Variants in SNX15 observed in about 807,000 individuals in gnomAD.
SNX15 encodes sorting nexin-15.
Under a neutral mutation model 35.2 loss-of-function variants are expected in SNX15, and 29 were observed. The observed-to-expected ratio is 0.82, with a 90% confidence interval of 0.61 to 1.12. The LOEUF (loss-of-function observed/expected upper bound fraction) is 1.12. Ranked by LOEUF, SNX15 falls within the 50% of genes most tolerant of loss-of-function variation. The probability of loss-of-function intolerance (pLI) is 0.00; values close to 1 mark genes in which losing one functional copy is unlikely to be tolerated. For missense variants in SNX15, 400 were observed against 451.5 expected, an observed-to-expected ratio of 0.89 and a Z score of 1.03; for synonymous variants, 189 against 188.2, an observed-to-expected ratio of 1.00 and a Z score of -0.03.
intron 1 of SNX15, among the ~76,000 whole-genome samples, chr11:65,030,913 G>A (rs779641352): frequency 1.5e-4 from 23 of 152,066 alleles, no homozygotes; most frequent in Non-Finnish European, 2.6e-4. Flanking sequence ...CTTAGTGTGT[G>A]GTCTACTATG....
At chr11:65,029,600 G>A (rs1443140509) in intron 1 of SNX15, among the ~76,000 whole-genome samples, 3 of 150,458 alleles carry the variant, frequency 2.0e-5, no homozygotes, top group Admixed American at 6.6e-5. Flanking sequence ...TTTTTGAGAC[G>A]GAGTCTTGCT....
intron 1 of SNX15, among the ~76,000 whole-genome samples, chr11:65,028,736 T>C (rs1164178945): frequency 1.4e-5 from 2 of 141,806 alleles, no homozygotes; most frequent in Non-Finnish European, 1.5e-5. Context: ...CCTGGGAAGA[T>C]AGACTGGAGG....
At chr11:65,035,403 T>G (rs1590741225) in intron 5 of SNX15, 117 bp from the exon 6 acceptor site, 1 of 1,318,570 alleles carries the variant, frequency 7.6e-7, no homozygotes, top group East Asian at 2.4e-5. Flanking sequence ...GCACAAACCC[T>G]AATAACAGGC....
At position 65,027,454 on chromosome 11, in the gene SNX15, C is replaced by G. The variant is rs545793141; in HGVS notation, c.-84C>G. 1.9e-6 allele frequency: 2 copies of G among 1,057,996 alleles called. No homozygotes were observed. The highest frequency in any genetic ancestry group is 3.1e-5 in the African/African-American group (2 of 63,958). The allele number at this position is 1,057,996 out of a possible 1,614,324, so 65.5% of individuals were successfully genotyped here. A position where few individuals can be genotyped will look rare whatever the true frequency, so the allele number is the denominator to read the frequency against. On this transcript the variant is annotated 5_prime_UTR_variant, in exon 1 of 8. Coordinates refer to ENST00000377244, the MANE Select transcript of SNX15 (RefSeq NM_013306.5). ...GAAGAAGAGCGCAGGCCTGGCGAGGCGGCGGCGGGCGGAGGCTGGGCCGGA... is the reference window on the plus strand; with the variant it reads ...GAAGAAGAGCGCAGGCCTGGCGAGGGGGCGGCGGGCGGAGGCTGGGCCGGA...
chr11:65,039,697 C>G lies in SNX15; in HGVS notation c.934C>G (p.Pro312Ala), dbSNP rs773751010. Residue 312 changes from proline to alanine, a missense_variant, in exon 8 of 8, where the codon CCT becomes GCT. Pro to Ala is a conservative substitution (Grantham distance 27). Coordinates refer to ENST00000377244, the MANE Select transcript of SNX15 (RefSeq NM_013306.5). ...LLQGVPSDPL[P>A]ARQEGVKKKA... The stretch of plus-strand genomic sequence containing the variant: ...TTCTCTCTCCACAGGTGACCCGTTG[C>G]CTGCCCGCCAGGAAGGTGTGAAGAA... 3.7e-6 allele frequency: 6 copies of G among 1,612,752 alleles called. No individual in the cohort carries two copies. In the Admixed American group the frequency reaches 5.0e-5, roughly 13 times the overall value.
chr11:65,031,985 T>C (rs1248883474), intron 1 of SNX15, among the ~76,000 whole-genome samples, 183 bp from the exon 2 acceptor site: 1 of 151,876 alleles, frequency 6.6e-6, no homozygotes, highest in Non-Finnish European at 1.5e-5. Context: ...CTGAGGTACA[T>C]AGTAGGAAAA....
chr11:65,027,967 A>G (rs1319860826), intron 1 of SNX15, among the ~76,000 whole-genome samples: 1 of 151,800 alleles, frequency 6.6e-6, no homozygotes, highest in Non-Finnish European at 1.5e-5. Context: ...AAATATTAGT[A>G]CTCCATTCTC....
chr11:65,028,689 A>T (rs904749328), intron 1 of SNX15, among the ~76,000 whole-genome samples: 2 of 24,510 alleles, frequency 8.2e-5, no homozygotes, highest in African/African-American at 1.8e-4. Context: ...ACACAACTTT[A>T]AAAAAAAAAA....
At chr11:65,036,045 A>T (rs943520944) in intron 6 of SNX15, 6 of 174,726 alleles carry the variant, frequency 3.4e-5, no homozygotes, top group Admixed American at 3.1e-4. Context: ...TCCTGAAGGC[A>T]AGAGGCCTGC....
At chr11:65,035,813 C>CT in intron 6 of SNX15, 150 bp downstream of exon 6, 2 of 736,060 alleles carry the variant, frequency 2.7e-6, no homozygotes, top group African/African-American at 1.8e-5. Context: ...ATAGCAGCTT[C>CT]AATGAGAATT....
chr11:65,037,190 T>TC (rs145105481), intron 6 of SNX15: 1 of 152,180 alleles, frequency 6.6e-6, no homozygotes, highest in Non-Finnish European at 1.5e-5. Flanking sequence ...CTATTTTTTT[T>TC]CCTCTCCTTT....
Position 65,035,098 on chromosome 11 carries a change from C to A in SNX15, c.412C>A (p.Leu138Ile). Residue 138 changes from leucine (L) to isoleucine (I), a missense_variant, in exon 5 of 8, where the codon CTA (leucine) becomes ATA (isoleucine). Physicochemically the swap from Leu to Ile is conservative, Grantham distance 5. Coordinates refer to ENST00000377244, the MANE Select transcript of SNX15 (RefSeq NM_013306.5). The stretch of plus-strand genomic sequence containing the variant: ...CCGACCCTTGGAGGTGTCCAGGGAC[C>A]TACACATCCTGCCACCCCCTCTGAT... ...VTRPLEVSRD[L>I]HILPPPLIPT... The A allele has an allele frequency of 6.2e-7, 1 of 1,612,344 alleles. No individual in the cohort carries two copies. The highest frequency in any genetic ancestry group is 8.5e-7 in the Non-Finnish European group (1 of 1,179,416).
At chr11:65,027,955 C>G (rs1252025580) in intron 1 of SNX15, among the ~76,000 whole-genome samples, 1 of 152,146 alleles carries the variant, frequency 6.6e-6, no homozygotes, top group Admixed American at 6.5e-5. Flanking sequence ...CTGGTTTAAT[C>G]CAAATATTAG....
chr11:65,040,211 C>T lies in SNX15; in HGVS notation c.*419C>T, dbSNP rs181128660. The T allele has an allele frequency of 9.8e-4, 159 of 161,524 alleles. No homozygotes were observed. Among genetic ancestry groups the T allele is most frequent in the East Asian group, 7.7e-3 (43 of 5,598 alleles). 10.0% of individuals were successfully genotyped at this position (161,524 alleles called of 1,614,324 possible). A position where few individuals can be genotyped will look rare whatever the true frequency, so the allele number is the denominator to read the frequency against. On this transcript the variant is annotated 3_prime_UTR_variant, in exon 8 of 8. Coordinates refer to ENST00000377244, the MANE Select transcript of SNX15 (RefSeq NM_013306.5). Reference sequence around the variant, plus strand: ...AGGGACGGGGTTACACCATGTTGGCCAGGCTGGTCTCGAACTCCTGACCTC... The same window carrying T: ...AGGGACGGGGTTACACCATGTTGGCTAGGCTGGTCTCGAACTCCTGACCTC...
chr11:65,033,872 AT>A (rs1049062578), intron 3 of SNX15, among the ~76,000 whole-genome samples: 3 of 151,108 alleles, frequency 2.0e-5, no homozygotes, highest in African/African-American at 4.9e-5. Flanking sequence ...ACCACACCTA[AT>A]TTTTTTTTAT....
intron 1 of SNX15, 87 bp from the exon 2 acceptor site, chr11:65,032,081 G>C: frequency 7.5e-7 from 1 of 1,331,300 alleles, no homozygotes; most frequent in Non-Finnish European, 1.1e-6. Flanking sequence ...CCGTGAGGGG[G>C]ACTAGGAGGC....
At chr11:65,027,694 C>T in intron 1 of SNX15, 58 bp downstream of exon 1, 1 of 1,326,122 alleles carries the variant, frequency 7.5e-7, no homozygotes, top group Non-Finnish European at 1.1e-6. Context: ...CCGAGTTTTA[C>T]CTTAAGGAAA....
intron 3 of SNX15, among the ~76,000 whole-genome samples, chr11:65,033,233 G>A (rs951733347): frequency 3.3e-5 from 5 of 151,644 alleles, no homozygotes; most frequent in Non-Finnish European, 1.5e-5. Context: ...GGGATATATT[G>A]GGTTAAATAA....
intron 1 of SNX15, among the ~76,000 whole-genome samples, chr11:65,028,835 T>G (rs542615426): frequency 6.6e-6 from 1 of 151,188 alleles, no homozygotes; most frequent in African/African-American, 2.4e-5. Context: ...GGCTCACGCC[T>G]GTAATCCCAG....
Sources: gnomAD v4.1 joint callset for allele counts (sites outside exome capture counted in the v4.1 genomes callset) on GRCh38, gnomAD v4.1.1 for gene constraint, MANE v1.5 for transcripts, NCBI Gene and HGNC (gene_info 2026-07-23, HGNC 2026-07-21) for gene names.